Variants in TBC1D20 observed in about 807,000 individuals in gnomAD.
The protein encoded by TBC1D20 is chromosome 20 open reading frame 140.
Under a neutral mutation model 41.6 loss-of-function variants are expected in TBC1D20, and 12 were observed. The observed-to-expected ratio is 0.29, with a 90% CI of 0.18 to 0.47. The LOEUF is 0.47. TBC1D20 is among the 20% of genes least tolerant of loss of function. The pLI, the probability that TBC1D20 is intolerant of heterozygous loss-of-function variation, is 1.00. For synonymous variants in TBC1D20, 205 were observed against 204.8 expected, an observed-to-expected ratio of 1.00 and a Z score of -0.01; for missense variants, 421 against 517.4, an observed-to-expected ratio of 0.81 and a Z score of 1.81.
rs2017204989 is a variant in TBC1D20, at chr20:440,360, C to G, written c.656G>C (p.Ser219Thr). The G allele has an allele frequency of 1.2e-6, 2 of 1,614,062 alleles. No individual in the cohort carries two copies. The highest frequency in any genetic ancestry group is 2.2e-5 in the East Asian group (1 of 44,896). ...SAEVGTIFAL[S>T]WLITWFGHVL... ...ATGCCCAAACCAGGTGATGAGCCAG[C>G]TGAGGGCAAAGATGGTCCCTACCTC... The change falls in exon 6 of 8, where the codon AGC becomes ACC. Residue 219 changes from serine to threonine, a missense_variant. Coordinates refer to ENST00000354200, the MANE Select transcript of TBC1D20 (RefSeq NM_144628.4).
At position 437,272 on chromosome 20, in the gene TBC1D20, G is replaced by A. The variant is rs1367995823; in HGVS notation, c.*1314C>T. 1.3e-5 allele frequency: 2 copies of A among 152,688 alleles called. No homozygotes were observed. Among genetic ancestry groups the A allele is most frequent in the East Asian group, 3.8e-4 (2 of 5,200 alleles). The allele number at this position is 152,688 out of a possible 1,614,324, so 9.5% of individuals were successfully genotyped here. A position where few individuals can be genotyped will look rare whatever the true frequency, so the allele number is the denominator to read the frequency against. ...TATGGTGGGGTAGAGTGCTTCTGGTGTGTTCACTTTAAGAAAACATCTGCC... is the reference window on the plus strand; with the variant it reads ...TATGGTGGGGTAGAGTGCTTCTGGTATGTTCACTTTAAGAAAACATCTGCC... On this transcript the variant is annotated 3_prime_UTR_variant, in exon 8 of 8. Coordinates refer to ENST00000354200, the MANE Select transcript of TBC1D20 (RefSeq NM_144628.4).
In TBC1D20 at chr20:442,688, T is replaced by C. The variant is rs763813769; in HGVS notation, c.338-645A>G. On this transcript the variant is annotated intron_variant, in intron 3 of 7. Transcript: ENST00000354200. Reference sequence around the variant, plus strand: ...ACATGAGAGCCTTATATTTAGGAAATATGTCCTGAAACACTTGGGGTAAAA... The same window carrying C: ...ACATGAGAGCCTTATATTTAGGAAACATGTCCTGAAACACTTGGGGTAAAA... Among the ~76,000 whole-genome samples the C allele has an allele frequency of 1.1e-3, 160 of 152,206 alleles. 2 individuals carry two copies. Among genetic ancestry groups the C allele is most frequent in the Non-Finnish European group, 2.1e-4 (14 of 68,040 alleles).
At chr20:441,309 A>G in intron 5 of TBC1D20, 1 of 354,306 alleles carries the variant, frequency 2.8e-6, no homozygotes, top group Non-Finnish European at 5.2e-6. Flanking sequence ...CTCTTGTGGC[A>G]ATAACCTCAA....
Position 436,467 on chromosome 20 carries a change from T to C in TBC1D20, c.*2119A>G, listed in dbSNP as rs1300399686. 1 of 153,084 alleles carries C rather than the reference T, an allele frequency of 6.5e-6. No individual in the cohort carries two copies. Among genetic ancestry groups the C allele is most frequent in the African/African-American group, 2.4e-5 (1 of 41,442 alleles). The allele number at this position is 153,084 out of a possible 1,614,324, so 9.5% of individuals were successfully genotyped here. A position where few individuals can be genotyped will look rare whatever the true frequency, so the allele number is the denominator to read the frequency against. ...AACATTCTCCTTCCGAGGCCACAACTCAAGCAAATGCCACTTGCTTCCTAG... is the reference window on the plus strand; with the variant it reads ...AACATTCTCCTTCCGAGGCCACAACCCAAGCAAATGCCACTTGCTTCCTAG... On this transcript the variant is annotated 3_prime_UTR_variant, in exon 8 of 8. Coordinates refer to ENST00000354200, the MANE Select transcript of TBC1D20 (RefSeq NM_144628.4).
At chr20:447,252 A>C (rs1358024287) in intron 2 of TBC1D20, among the ~76,000 whole-genome samples, 3 of 150,030 alleles carry the variant, frequency 2.0e-5, no homozygotes, top group Non-Finnish European at 3.0e-5. Context: ...GAGCCACCAC[A>C]CCCGGCCCAA....
chr20:458,436 C>T (rs1056389940), intron 1 of TBC1D20, among the ~76,000 whole-genome samples: 1 of 151,760 alleles, frequency 6.6e-6, no homozygotes, highest in South Asian at 2.1e-4. Context: ...GCCTTAGCCT[C>T]CCAGGTAGCT....
Position 437,261 on chromosome 20 carries a change from G to A in TBC1D20, c.*1325C>T, listed in dbSNP as rs2017137782. On this transcript the variant is annotated 3_prime_UTR_variant, in exon 8 of 8. Transcript: ENST00000354200. ...AGAGGACTGGATATGGTGGGGTAGA[G>A]TGCTTCTGGTGTGTTCACTTTAAGA... 6.5e-6 allele frequency: 1 copy of A among 152,720 alleles called. No homozygotes were observed. The highest frequency in any genetic ancestry group is 2.1e-4 in the South Asian group (1 of 4,834). The allele number at this position is 152,720 out of a possible 1,614,324, so 9.5% of individuals were successfully genotyped here.
chr20:450,418 T>C (rs765255883), intron 1 of TBC1D20, among the ~76,000 whole-genome samples: 1 of 151,982 alleles, frequency 6.6e-6, no homozygotes, highest in Non-Finnish European at 1.5e-5. Flanking sequence ...AGTGCTGAGA[T>C]TACAAGCGTG....
rs1007903842 is a variant in TBC1D20 at position 443,616 on chromosome 20, G to A, written c.337+1434C>T. On this transcript the variant is annotated intron_variant, in intron 3 of 7. Coordinates refer to ENST00000354200, the MANE Select transcript of TBC1D20 (RefSeq NM_144628.4). The stretch of plus-strand genomic sequence containing the variant: ...TACCCTAAAAGATAAATAAGGAAAC[G>A]AAGCAAACCCAGGGCTGCTGATAGG... 5.3e-5 allele frequency among the ~76,000 whole-genome samples: 8 copies of A among 152,270 alleles called. No homozygotes were observed. The East Asian group carries it at 1.2e-3, about 22-fold the overall frequency.
chr20:461,474 C>T (rs2017628409), intron 1 of TBC1D20, among the ~76,000 whole-genome samples: 1 of 152,200 alleles, frequency 6.6e-6, no homozygotes, highest in South Asian at 2.1e-4. Context: ...ATCCTCCTGC[C>T]TCAGCCTCCA....
chr20:458,058 T>A (rs2017571534), intron 1 of TBC1D20, among the ~76,000 whole-genome samples: 1 of 152,206 alleles, frequency 6.6e-6, no homozygotes, highest in Non-Finnish European at 1.5e-5. Flanking sequence ...AGAAGTCTTG[T>A]TAACCTATTT....
rs778475151 is a variant in TBC1D20 at position 439,314 on chromosome 20, G to C, written c.769-19C>G. The C allele has an allele frequency of 6.9e-6, 11 of 1,583,296 alleles. No individual in the cohort carries two copies. The highest frequency in any genetic ancestry group is 9.5e-6 in the Non-Finnish European group (11 of 1,163,682). On this transcript the variant is annotated intron_variant, in intron 6 of 7. Transcript: ENST00000354200. This position sits in a 1 kb window ranked among gnomAD's most constrained non-coding sequence, Gnocchi z 4.6. ...ACACAATCTGTGGGGAGGTAGTAAA[G>C]CCTTGCAGTCAGAGGCCAGACACAC...
rs2017164615 is a variant in TBC1D20, at chr20:438,644, G to T, written c.1154C>A (p.Ala385Asp). The T allele has an allele frequency of 6.2e-7, 1 of 1,614,176 alleles. No homozygotes were observed. The highest frequency in any genetic ancestry group is 8.5e-7 in the Non-Finnish European group (1 of 1,180,032). The change falls in exon 8 of 8, where the codon GCT (alanine) becomes GAT (aspartate). Residue 385 changes from alanine to aspartate, a missense_variant. By Grantham distance (126) the Ala-to-Asp change is moderately radical. Around this residue, in one of 3 missense-constraint regions of TBC1D20, gnomAD observed 161 missense variants for 182.7 expected, o/e 0.88. Transcript: ENST00000354200. ...CCATTCCAGGGCACTTTTCACCACA[G>T]CCAGTGCAGCCGCTCCAAGTGCCAC... The part of the protein sequence containing the change: ...LTVALGAAAL[A>D]VVKSALEWAP...
Position 462,442 on chromosome 20 carries a change from G to A in TBC1D20, c.-37C>T. The A allele has an allele frequency of 8.6e-7, 1 of 1,163,782 alleles. No homozygotes were observed. The highest frequency in any genetic ancestry group is 1.1e-6 in the Non-Finnish European group (1 of 927,334). The allele number at this position is 1,163,782 out of a possible 1,614,324, so 72.1% of individuals were successfully genotyped here. Reference sequence around the variant, plus strand: ...CCGGGCCCCCACCCGAGCCCCGGCTGGTGGCGGAGCCGGGAGAAGACGCGG... The same window carrying A: ...CCGGGCCCCCACCCGAGCCCCGGCTAGTGGCGGAGCCGGGAGAAGACGCGG... On this transcript the variant is annotated 5_prime_UTR_variant, in exon 1 of 8. Coordinates refer to ENST00000354200, the MANE Select transcript of TBC1D20 (RefSeq NM_144628.4).
At chr20:443,897 G>A (rs1214677013) in intron 3 of TBC1D20, among the ~76,000 whole-genome samples, 4 of 152,130 alleles carry the variant, frequency 2.6e-5, no homozygotes, top group East Asian at 1.9e-4. Context: ...GCTGAGGTAC[G>A]TGCATCACCT....
Position 441,876 on chromosome 20 carries a change from A to G in TBC1D20, c.505T>C (p.Leu169=). The G allele has an allele frequency of 6.2e-7, 1 of 1,613,772 alleles. No homozygotes were observed. The highest frequency in any genetic ancestry group is 8.5e-7 in the Non-Finnish European group (1 of 1,179,916). The stretch of plus-strand genomic sequence containing the variant: ...TGGTACCTGAGGTGGTGGGTAGATA[A>G]TTTTTCTACCAGGGATGTTGCCAGC... ...ERLATSLVEK[L]STHHLRDFMD... is the part of the protein sequence containing the mutation. The change falls in exon 4 of 8, where the codon TTA becomes CTA. Residue 169 remains leucine, a synonymous_variant. Transcript: ENST00000354200.
chr20:442,103 C>T (rs1001794508), intron 3 of TBC1D20, 60 bp from the exon 4 acceptor site: 14 of 1,391,622 alleles, frequency 1.0e-5, no homozygotes, highest in East Asian at 7.1e-5. Context: ...ACAAGGAGGT[C>T]GAAGAAGGCC....
intron 1 of TBC1D20, among the ~76,000 whole-genome samples, chr20:458,314 ATT>A (rs759935413): frequency 4.2e-5 from 6 of 143,350 alleles, no homozygotes; most frequent in Admixed American, 7.0e-5. Flanking sequence ...CTCTGTTCCA[ATT>A]TTTTTTTTTT....
chr20:443,382 C>A (rs1001194294), intron 3 of TBC1D20, among the ~76,000 whole-genome samples: 1 of 152,236 alleles, frequency 6.6e-6, no homozygotes, highest in East Asian at 1.9e-4. Context: ...GTGCTGCCAG[C>A]AGTAAAAATG....
Sources: gnomAD v4.1 joint callset for allele counts (sites outside exome capture counted in the v4.1 genomes callset) on GRCh38, gnomAD v4.1.1 for gene constraint, gnomAD v4.1.1 regional missense constraint, Gnocchi (gnomAD v3.1) non-coding constraint, MANE v1.5 for transcripts, NCBI Gene and HGNC (gene_info 2026-07-23, HGNC 2026-07-21) for gene names.